Variants in MTA3 observed in about 807,000 individuals in gnomAD.
The protein encoded by MTA3 is metastasis-associated protein MTA3.
A neutral mutation model predicts 83.5 loss-of-function variants in MTA3; 34 were observed. The observed-to-expected ratio is 0.41, with a 90% confidence interval of 0.31 to 0.54. MTA3 has a LOEUF of 0.54. MTA3 is among the 20% of genes least tolerant of loss of function. The pLI is 0.33. For missense variants in MTA3, 761 were observed against 726.4 expected (o/e 1.05, Z -0.55); for synonymous variants, 303 against 252.7 (o/e 1.20, Z -1.89).
intron 2 of MTA3, among the ~76,000 whole-genome samples, chr2:42,523,958 C>T (rs1027523740): frequency 1.3e-5 from 2 of 151,910 alleles, no homozygotes; most frequent in Admixed American, 6.6e-5. Flanking sequence ...AGGCAAGCCA[C>T]GGACTGGAAT....
intron 16 of MTA3, among the ~76,000 whole-genome samples, chr2:42,737,408 A>G (rs971363794): frequency 3.3e-5 from 5 of 152,186 alleles, no homozygotes; most frequent in African/African-American, 1.2e-4. Context: ...GTGTCAGGGC[A>G]GCACTGGGTT....
intron 4 of MTA3, among the ~76,000 whole-genome samples, chr2:42,639,131 G>C (rs368362679): frequency 6.6e-5 from 10 of 151,016 alleles, no homozygotes; most frequent in African/African-American, 2.2e-4. Context: ...CACGATCTCG[G>C]CTCACTGCAA....
chr2:42,540,906 G>A (rs1037692037), intron 2 of MTA3, among the ~76,000 whole-genome samples: 8 of 151,784 alleles, frequency 5.3e-5, no homozygotes, highest in African/African-American at 1.9e-4. Flanking sequence ...TAGCCATTCA[G>A]TAAACAATTC....
At chr2:42,499,689 T>A (rs1291668054) in intron 2 of MTA3, among the ~76,000 whole-genome samples, 3 of 150,156 alleles carry the variant, frequency 2.0e-5, no homozygotes, top group Non-Finnish European at 4.4e-5. Context: ...TTGGGGAGGC[T>A]GAGCAGGAGA....
chr2:42,703,306 T>C (rs1323070484), intron 11 of MTA3: 1 of 152,206 alleles, frequency 6.6e-6, no homozygotes, highest in Non-Finnish European at 1.5e-5. Context: ...ATGTAATATT[T>C]CTGATAAAAT....
At chr2:42,713,208 G>T (rs1666765147) in intron 14 of MTA3, among the ~76,000 whole-genome samples, 1 of 152,214 alleles carries the variant, frequency 6.6e-6, no homozygotes, top group Non-Finnish European at 1.5e-5. Context: ...ATGGGCCACA[G>T]TATTCCCCTG....
intron 14 of MTA3, among the ~76,000 whole-genome samples, chr2:42,713,623 CA>C (rs10714934): frequency 0.66 from 100,037 of 151,916 alleles, 33,795 homozygotes; most frequent in African/African-American, 0.81. Context: ...CTTAAGTATC[CA>C]AAAAATATTC....
At chr2:42,631,314 A>G (rs1686650496) in intron 4 of MTA3, among the ~76,000 whole-genome samples, 1 of 152,206 alleles carries the variant, frequency 6.6e-6, no homozygotes, top group Admixed American at 6.5e-5. Flanking sequence ...AACATTTTAT[A>G]GTGTACATGT....
At chr2:42,581,345 C>G (rs1354944374) in intron 3 of MTA3, among the ~76,000 whole-genome samples, 1 of 149,886 alleles carries the variant, frequency 6.7e-6, no homozygotes, top group African/African-American at 2.5e-5. Context: ...AGTCACCATG[C>G]CTGGTCCCAA....
intron 6 of MTA3, among the ~76,000 whole-genome samples, chr2:42,652,908 G>T (rs549030502): frequency 1.3e-5 from 2 of 152,220 alleles, no homozygotes; most frequent in East Asian, 3.9e-4. Context: ...AAAAAGTATA[G>T]TACTCTGATG....
chr2:42,704,470 G>T (rs1665892830), intron 12 of MTA3, among the ~76,000 whole-genome samples, 152 bp downstream of exon 12: 1 of 152,156 alleles, frequency 6.6e-6, no homozygotes. Flanking sequence ...CTTACCTTCT[G>T]CCTGGAACAG....
At chr2:42,508,050 A>G (rs1352661479) in intron 2 of MTA3, among the ~76,000 whole-genome samples, 2 of 151,920 alleles carry the variant, frequency 1.3e-5, no homozygotes, top group South Asian at 2.1e-4. Flanking sequence ...TGGTTTCTGC[A>G]TCCCCATCTT....
intron 6 of MTA3, among the ~76,000 whole-genome samples, chr2:42,649,145 A>G (rs1198111428): frequency 1.3e-5 from 2 of 152,192 alleles, no homozygotes; most frequent in African/African-American, 2.4e-5. Context: ...CTGTAATCCC[A>G]GCACTTTGGG....
At chr2:42,616,202 A>C (rs1183459029) in intron 4 of MTA3, among the ~76,000 whole-genome samples, 3 of 152,106 alleles carry the variant, frequency 2.0e-5, no homozygotes, top group Admixed American at 6.6e-5. Flanking sequence ...TGGGATTTAC[A>C]GGCATGTGCC....
At position 42,611,948 on chromosome 2, in the gene MTA3, C is replaced by G. The variant is rs180785296; in HGVS notation, c.317+2364C>G. On this transcript the variant is annotated intron_variant, in intron 4 of 16. Transcript: ENST00000405094. ...TCCTGAATGGCTGGGACTACAAGTG[C>G]TTTCTGCTATGGCCTGCTATTTAGG... 7.2e-4 allele frequency among the ~76,000 whole-genome samples: 110 copies of G among 152,212 alleles called. 1 individual carries two copies. The highest frequency in any genetic ancestry group is 2.5e-3 in the African/African-American group (105 of 41,542).
chr2:42,750,356 G>A (rs151313227), intron 16 of MTA3, among the ~76,000 whole-genome samples: 1 of 150,502 alleles, frequency 6.6e-6, no homozygotes, highest in African/African-American at 2.4e-5. Flanking sequence ...GTACTCTTCT[G>A]TTGATTATGT....
chr2:42,683,086 C>CA (rs1220817896), intron 9 of MTA3, among the ~76,000 whole-genome samples: 4 of 151,918 alleles, frequency 2.6e-5, no homozygotes, highest in African/African-American at 9.6e-5. Flanking sequence ...CAAAACAAAA[C>CA]AAAAAAACCC....
At chr2:42,544,007 A>C (rs6544562) in intron 2 of MTA3, among the ~76,000 whole-genome samples, 54,439 of 151,706 alleles carry the variant, frequency 0.36, 9,866 homozygotes, top group South Asian at 0.41. Context: ...TTTAAACTAG[A>C]AAGACACATT....
At chr2:42,588,874 G>A (rs1680648843) in intron 3 of MTA3, among the ~76,000 whole-genome samples, 1 of 151,768 alleles carries the variant, frequency 6.6e-6, no homozygotes, top group Non-Finnish European at 1.5e-5. Context: ...TTTTTTGCAA[G>A]GAACTGGTTT....
Sources: gnomAD v4.1 joint callset for allele counts (sites outside exome capture counted in the v4.1 genomes callset) on GRCh38, gnomAD v4.1.1 for gene constraint, MANE v1.5 for transcripts, NCBI Gene and HGNC (gene_info 2026-07-23, HGNC 2026-07-21) for gene names.